Variants in ZNF197 observed in about 807,000 individuals in gnomAD.
ZNF197 encodes zinc finger protein 197.
ZNF197 carries 14 observed loss-of-function variants against 27.4 expected under a neutral mutation model. That is an observed-to-expected ratio of 0.51 (90% CI 0.34 to 0.80). The LOEUF is 0.80. Among genes scored for constraint, ZNF197 ranks in the 30% least tolerant of loss-of-function variants. The pLI, the probability that ZNF197 is intolerant of heterozygous loss-of-function variation, is 0.02. For missense variants in ZNF197, 1,090 were observed against 1,222.6 expected, an observed-to-expected ratio of 0.89 and a Z score of 1.62; for synonymous variants, 415 against 420.0, an observed-to-expected ratio of 0.99 and a Z score of 0.15.
In ZNF197 at chr3:44,643,634, C is replaced by T. The variant is rs779294145; in HGVS notation, c.2504C>T (p.Ala835Val). The change falls in exon 6 of 6, where the codon GCC (alanine) becomes GTC (valine). Residue 835 changes from alanine to valine, a missense_variant. Coordinates refer to ENST00000344387, the MANE Select transcript of ZNF197 (RefSeq NM_006991.5). ...KVFSYRSNLI[A>V]HQRIHTGEKP... is the part of the protein sequence containing the mutation. ...TTCAGTTACCGCTCAAACCTTATAG[C>T]CCATCAGAGGATCCATACTGGTGAG... The T allele has an allele frequency of 1.9e-6, 3 of 1,614,068 alleles. No individual in the cohort carries two copies. Among genetic ancestry groups the T allele is most frequent in the East Asian group, 4.5e-5 (2 of 44,868 alleles).
chr3:44,641,813 C>T, intron 5 of ZNF197, 87 bp from the exon 6 acceptor site: 4 of 1,427,276 alleles, frequency 2.8e-6, no homozygotes, highest in Non-Finnish European at 3.7e-6. Flanking sequence ...AGTGTGCCTT[C>T]CTAGAATGTT....
rs1403429276 is a variant in ZNF197 at position 44,629,224 on chromosome 3, T to C, written c.70T>C (p.Trp24Arg). 1 of 1,614,086 alleles carries C rather than the reference T, an allele frequency of 6.2e-7. No individual in the cohort carries two copies. The highest frequency in any genetic ancestry group is 8.5e-7 in the Non-Finnish European group (1 of 1,179,992). ...CCTTGTGAAGGGGAAGGATGATACC[T>C]GGAAATGGGGAACCAGCTTCCAAGG... ...EGLVKGKDDTWKWGTSFQGSS... is the reference protein window; with the variant it reads ...EGLVKGKDDTRKWGTSFQGSS... Residue 24 changes from tryptophan (W) to arginine (R), a missense_variant, in exon 2 of 6, where the codon TGG becomes CGG. Coordinates refer to ENST00000344387, the MANE Select transcript of ZNF197 (RefSeq NM_006991.5).
At chr3:44,636,023 C>T (rs1013106807) in intron 5 of ZNF197, among the ~76,000 whole-genome samples, 3 of 152,098 alleles carry the variant, frequency 2.0e-5, no homozygotes, top group Non-Finnish European at 4.4e-5. Flanking sequence ...AAAACATTTT[C>T]GGCCGGCATG....
chr3:44,635,552 G>A (rs541055473), intron 5 of ZNF197, among the ~76,000 whole-genome samples: 10 of 152,062 alleles, frequency 6.6e-5, no homozygotes, highest in Admixed American at 3.3e-4. Context: ...TTCATGCATC[G>A]ATAAACTGTG....
At chr3:44,641,384 C>A (rs538274871) in intron 5 of ZNF197, among the ~76,000 whole-genome samples, 3 of 152,134 alleles carry the variant, frequency 2.0e-5, no homozygotes, top group African/African-American at 7.2e-5. Flanking sequence ...CAATGGATTT[C>A]TTTTCTGTTG....
In ZNF197 at chr3:44,644,910, A is replaced by T; in HGVS notation, c.*690A>T. The T allele has an allele frequency of 1.0e-6, 1 of 982,698 alleles. No individual in the cohort carries two copies. Among genetic ancestry groups the T allele is most frequent in the Non-Finnish European group, 1.2e-6 (1 of 827,478 alleles). 60.9% of individuals were successfully genotyped at this position (982,698 alleles called of 1,614,324 possible). A position where few individuals can be genotyped will look rare whatever the true frequency, so the allele number is the denominator to read the frequency against. On this transcript the variant is annotated 3_prime_UTR_variant, in exon 6 of 6. Coordinates refer to ENST00000344387, the MANE Select transcript of ZNF197 (RefSeq NM_006991.5). Reference sequence around the variant, plus strand: ...AAAAATTTAATAATAAAAAGTGGACATTGTTTTTTAAAATGTGTATAGTAT... The same window carrying T: ...AAAAATTTAATAATAAAAAGTGGACTTTGTTTTTTAAAATGTGTATAGTAT...
At chr3:44,625,865 C>T (rs1701631883) in intron 1 of ZNF197, among the ~76,000 whole-genome samples, 1 of 151,818 alleles carries the variant, frequency 6.6e-6, no homozygotes, top group African/African-American at 2.4e-5. Context: ...TTGTCGTGGA[C>T]TGGTGTTTGG....
At chr3:44,626,085 A>C (rs1205631648) in intron 1 of ZNF197, among the ~76,000 whole-genome samples, 2 of 152,238 alleles carry the variant, frequency 1.3e-5, no homozygotes, top group East Asian at 3.9e-4. Flanking sequence ...AAGCTAATAA[A>C]ATGTATGTTT....
intron 5 of ZNF197, among the ~76,000 whole-genome samples, chr3:44,635,394 G>A (rs960600328): frequency 2.3e-4 from 35 of 152,252 alleles, no homozygotes; most frequent in Non-Finnish European, 4.4e-4. Context: ...AAAGTTATAT[G>A]TCTAAAAATA....
Position 44,646,325 on chromosome 3 carries a change from A to G in ZNF197, c.*2105A>G. ...CTTATATAATAATTACAAAGGACAT[A>G]TGTACTTTAACAATGGAGAATGCTG... is the stretch of plus-strand genomic sequence containing the variant. On this transcript the variant is annotated 3_prime_UTR_variant, in exon 6 of 6. Coordinates refer to ENST00000344387, the MANE Select transcript of ZNF197 (RefSeq NM_006991.5). 1 of 985,430 alleles carries G rather than the reference A, an allele frequency of 1.0e-6. No individual in the cohort carries two copies. The highest frequency in any genetic ancestry group is 1.2e-6 in the Non-Finnish European group (1 of 829,922). 61.0% of individuals were successfully genotyped at this position (985,430 alleles called of 1,614,324 possible).
Position 44,632,488 on chromosome 3 carries a change from G to C in ZNF197, c.658G>C (p.Glu220Gln). ...GTTATTTCAGGAGTTGGTGATGTTC[G>C]AGGAGGTGTCAGTATGCTTCACTTC... ...TAQPQELVMF[E>Q]EVSVCFTSEE... The change falls in exon 5 of 6, where the codon GAG becomes CAG. Residue 220 changes from glutamate (E) to glutamine (Q), a missense_variant. Glu to Gln is a conservative substitution (Grantham distance 29). Coordinates refer to ENST00000344387, the MANE Select transcript of ZNF197 (RefSeq NM_006991.5). The C allele has an allele frequency of 1.2e-6, 2 of 1,600,572 alleles. No homozygotes were observed. Among genetic ancestry groups the C allele is most frequent in the Non-Finnish European group, 1.7e-6 (2 of 1,174,758 alleles).
rs1418361988 is a variant in ZNF197, at chr3:44,642,415, A to G, written c.1285A>G (p.Asn429Asp). ...NHSGEKPYKC[N>D]ECGKAFSQSA... ...TTCAGGGGAGAAACCTTATAAATGT[A>G]ATGAATGTGGGAAAGCATTTTCTCA... The change falls in exon 6 of 6, where the codon AAT becomes GAT. Residue 429 changes from asparagine to aspartate, a missense_variant. Asn to Asp is a conservative substitution (Grantham distance 23). Transcript: ENST00000344387. The G allele has an allele frequency of 6.2e-7, 1 of 1,614,170 alleles. No homozygotes were observed. The highest frequency in any genetic ancestry group is 8.5e-7 in the Non-Finnish European group (1 of 1,180,030).
intron 2 of ZNF197, chr3:44,630,819 G>A (rs1280269648): frequency 1.5e-6 from 1 of 651,570 alleles, no homozygotes; most frequent in South Asian, 1.5e-5. Context: ...CCCAGGTCTG[G>A]CTTCTGTTCC....
Position 44,629,474 on chromosome 3 carries a change from C to T in ZNF197, c.320C>T (p.Pro107Leu). ...EIRTWVQLHH[P>L]GSGEEAVALV... ...CGGACCTGGGTACAGCTCCATCACC[C>T]TGGAAGTGGCGAGGAGGCTGTGGCC... The change falls in exon 2 of 6, where the codon CCT becomes CTT. Residue 107 changes from proline (P) to leucine (L), a missense_variant. Pro to Leu is a moderately conservative substitution (Grantham distance 98, BLOSUM62 -3). Transcript: ENST00000344387. 1 of 1,608,896 alleles carries T rather than the reference C, an allele frequency of 6.2e-7. No individual in the cohort carries two copies. The highest frequency in any genetic ancestry group is 8.5e-7 in the Non-Finnish European group (1 of 1,177,854).
In ZNF197 at chr3:44,644,356, A is replaced by G. The variant is rs538592493; in HGVS notation, c.*136A>G. Reference sequence around the variant, plus strand: ...GAGTAGCATATAGAAGAAAGTTAATAGGCCGGGCTTGGTGGCTCATGCCTG... The same window carrying G: ...GAGTAGCATATAGAAGAAAGTTAATGGGCCGGGCTTGGTGGCTCATGCCTG... On this transcript the variant is annotated 3_prime_UTR_variant, in exon 6 of 6. Coordinates refer to ENST00000344387, the MANE Select transcript of ZNF197 (RefSeq NM_006991.5). 3.2e-5 allele frequency: 45 copies of G among 1,411,926 alleles called. No individual in the cohort carries two copies. In the African/African-American group the frequency reaches 6.3e-4, roughly 20 times the overall value. The allele number at this position is 1,411,926 out of a possible 1,614,324, so 87.5% of individuals were successfully genotyped here.
chr3:44,632,389 G>T, intron 4 of ZNF197, 84 bp from the exon 5 acceptor site: 1 of 1,537,884 alleles, frequency 6.5e-7, no homozygotes, highest in Non-Finnish European at 8.8e-7. Context: ...GCCTCACAGT[G>T]TATCCCTTCC....
intron 1 of ZNF197, among the ~76,000 whole-genome samples, chr3:44,626,263 A>G (rs1337585414): frequency 6.6e-6 from 1 of 152,154 alleles, no homozygotes; most frequent in Non-Finnish European, 1.5e-5. Flanking sequence ...AGAAAAACCT[A>G]ACTGACCTTT....
chr3:44,631,921 G>A (rs1004059365), intron 3 of ZNF197, among the ~76,000 whole-genome samples, 184 bp from the exon 4 acceptor site: 3 of 151,916 alleles, frequency 2.0e-5, no homozygotes, highest in African/African-American at 7.3e-5. Flanking sequence ...CAGGATGGTC[G>A]TAATCTCTTG....
chr3:44,633,915 TTTA>T (rs1259596293), intron 5 of ZNF197, among the ~76,000 whole-genome samples: 1 of 152,228 alleles, frequency 6.6e-6, no homozygotes, highest in African/African-American at 2.4e-5. Context: ...GCAACTTTAT[TTTA>T]TTATCTTTAA....
Sources: allele counts gnomAD v4.1 joint callset (sites outside exome capture counted in the v4.1 genomes callset), GRCh38; gene constraint gnomAD v4.1.1; transcripts MANE v1.5; gene names NCBI Gene and HGNC (gene_info 2026-07-23, HGNC 2026-07-21).